SQSTM1: variants seen among roughly 807,000 people sequenced by gnomAD.
SQSTM1 encodes sequestosome-1.
In SQSTM1, 36 loss-of-function variants were observed where a neutral mutation model predicts 45.1. The ratio of observed to expected loss-of-function variants is 0.80; its 90% confidence interval spans 0.61 to 1.05. The LOEUF (loss-of-function observed/expected upper bound fraction) is 1.05, where lower values mean the gene tolerates loss of function less well. SQSTM1 is among the 50% of genes least tolerant of loss of function. The pLI, the probability that SQSTM1 is intolerant of heterozygous loss-of-function variation, is 0.00. For missense variants in SQSTM1, 617 were observed against 607.1 expected (o/e 1.02, Z -0.17); for synonymous variants, 290 against 244.3 (o/e 1.19, Z -1.74).
At chr5:179,811,088 C>T (rs986084027) in intron 1 of SQSTM1, among the ~76,000 whole-genome samples, 2 of 151,974 alleles carry the variant, frequency 1.3e-5, no homozygotes, top group Non-Finnish European at 2.9e-5. Flanking sequence ...TAAAAATTAG[C>T]CGGGAGTGGT....
chr5:179,815,416 C>CGA (rs1554161580), upstream of SQSTM1, among the ~76,000 whole-genome samples: 2 of 149,130 alleles, frequency 1.3e-5, no homozygotes, highest in Non-Finnish European at 3.0e-5. Flanking sequence ...GACTCTGTCT[C>CGA]GAAAAAAAAA....
upstream of SQSTM1, among the ~76,000 whole-genome samples, chr5:179,819,535 A>C (rs1449325476): frequency 1.3e-5 from 2 of 152,218 alleles, no homozygotes; most frequent in Non-Finnish European, 2.9e-5. Flanking sequence ...GGGCTGGGGC[A>C]GGAAAGCCGG....
chr5:179,806,440 C>G lies in SQSTM1; in HGVS notation c.-308C>G. On this transcript the variant is annotated 5_prime_UTR_variant, in exon 1 of 6. Transcript: ENST00000514093. The surrounding 1 kb of genome is among the most constrained non-coding windows in gnomAD (Gnocchi z 4.6). ...CCACCGCCGGGCCCGCTCCCGCCGC[C>G]GACGCCCAGGTGCGCCAGGTGCGGG... 1 of 1,145,448 alleles carries G rather than the reference C, an allele frequency of 8.7e-7. No homozygotes were observed. Among genetic ancestry groups the G allele is most frequent in the Non-Finnish European group, 1.1e-6 (1 of 913,178 alleles). The allele number at this position is 1,145,448 out of a possible 1,614,324, so 71.0% of individuals were successfully genotyped here. A position where few individuals can be genotyped will look rare whatever the true frequency, so the allele number is the denominator to read the frequency against.
At chr5:179,813,013 G>GAA (rs1244662065) in intron 2 of SQSTM1, 18 of 125,830 alleles carry the variant, frequency 1.4e-4, no homozygotes, top group African/African-American at 5.4e-4. Flanking sequence ...AAAAAGAAAA[G>GAA]AAAAAGAAAA....
chr5:179,818,656 G>A (rs1185582653), upstream of SQSTM1, among the ~76,000 whole-genome samples: 2 of 152,150 alleles, frequency 1.3e-5, no homozygotes, highest in East Asian at 3.9e-4. Flanking sequence ...CAGCCCCCCT[G>A]CAGTCTCTGT....
intron 5 of SQSTM1, among the ~76,000 whole-genome samples, chr5:179,825,833 G>T (rs933615178): frequency 2.6e-5 from 4 of 152,044 alleles, no homozygotes; most frequent in African/African-American, 9.7e-5. Flanking sequence ...TCCCTGCTGG[G>T]CTTTAGAAAG....
At chr5:179,821,583 G>GGGCGAGCGCC (rs1554162414) in intron 1 of SQSTM1, 1 of 454,034 alleles carries the variant, frequency 2.2e-6, no homozygotes, top group Non-Finnish European at 4.4e-6. Flanking sequence ...TGGAGGAGCC[G>GGGCGAGCGCC]GGCGAGCGCC....
rs759688377 is a variant in SQSTM1 at position 179,837,927 on chromosome 5, T to C, written c.*1334T>C. 1 of 1,573,736 alleles carries C rather than the reference T, an allele frequency of 6.4e-7. No homozygotes were observed. The highest frequency in any genetic ancestry group is 8.6e-7 in the Non-Finnish European group (1 of 1,163,400). The stretch of plus-strand genomic sequence containing the variant: ...CCATGCCCTCCATGTGTAAGAACAA[T>C]GCCAGGGCCCAGGAGGACCGCCTGC... On this transcript the variant is annotated 3_prime_UTR_variant, in exon 8 of 8. Transcript: ENST00000389805.
intron 6 of SQSTM1, 48 bp from the exon 7 acceptor site, chr5:179,833,539 G>A (rs1387113159): frequency 1.9e-6 from 3 of 1,600,998 alleles, no homozygotes; most frequent in African/African-American, 1.3e-5. Flanking sequence ...GGTCAGGCTT[G>A]GCCTGTTGCG....
chr5:179,809,171 T>C (rs1284216261), intron 1 of SQSTM1, among the ~76,000 whole-genome samples: 37 of 145,346 alleles, frequency 2.5e-4, no homozygotes, highest in African/African-American at 9.2e-4. Flanking sequence ...TTTTTTTTTT[T>C]TTTTTAAGAC....
chr5:179,819,634 G>C (rs944428147), upstream of SQSTM1, among the ~76,000 whole-genome samples: 1 of 152,240 alleles, frequency 6.6e-6, no homozygotes, highest in African/African-American at 2.4e-5. Flanking sequence ...GCCTCTGCCA[G>C]CACGCCCCTC....
chr5:179,837,150 T>A lies in SQSTM1; in HGVS notation c.*557T>A. On this transcript the variant is annotated 3_prime_UTR_variant, in exon 8 of 8. Coordinates refer to ENST00000389805, the MANE Select transcript of SQSTM1 (RefSeq NM_003900.5). ...CTCCTGGTCTCTTCACCACTGTAGT[T>A]CTCTCATTTCCAAACCATCAGCTGC... is the stretch of plus-strand genomic sequence containing the variant. 7.2e-7 allele frequency: 1 copy of A among 1,382,668 alleles called. No homozygotes were observed. Among genetic ancestry groups the A allele is most frequent in the Non-Finnish European group, 9.9e-7 (1 of 1,006,306 alleles). 85.6% of individuals were successfully genotyped at this position (1,382,668 alleles called of 1,614,324 possible).
At chr5:179,832,897 T>C in intron 5 of SQSTM1, 135 bp from the exon 6 acceptor site, 2 of 895,230 alleles carry the variant, frequency 2.2e-6, no homozygotes, top group Admixed American at 3.9e-5. Flanking sequence ...AGTGCCACCA[T>C]CCAGACACTT....
chr5:179,825,439 C>G (rs116597749), intron 5 of SQSTM1, among the ~76,000 whole-genome samples: 3 of 152,144 alleles, frequency 2.0e-5, no homozygotes, highest in African/African-American at 7.2e-5. Context: ...GGAGTGAAGT[C>G]GAATCAGCTG....
At chr5:179,821,220 T>C in intron 1 of SQSTM1, 79 bp downstream of exon 1, 1 of 1,267,714 alleles carries the variant, frequency 7.9e-7, no homozygotes, top group African/African-American at 1.6e-5. Context: ...GCCCCCTCCC[T>C]TCTCGGCGAC....
In SQSTM1 at chr5:179,835,375, C is replaced by T. The variant is rs74179980; in HGVS notation, c.1166-1061C>T. On this transcript the variant is annotated intron_variant, in intron 7 of 7. Transcript: ENST00000389805. ...GTTGTAGCGAGCCGAGATCACGCCA[C>T]TGCACTCCAGCCTGGGCACCATTGA... The T allele has an allele frequency of 3.5e-5, 6 of 170,320 alleles. 1 individual carries two copies. Among genetic ancestry groups the T allele is most frequent in the South Asian group, 2.2e-4 (2 of 9,298 alleles). The allele number at this position is 170,320 out of a possible 1,614,324, so 10.6% of individuals were successfully genotyped here. A position where few individuals can be genotyped will look rare whatever the true frequency, so the allele number is the denominator to read the frequency against.
At chr5:179,827,604 A>G (rs7715234) in intron 5 of SQSTM1, among the ~76,000 whole-genome samples, 9,695 of 152,288 alleles carry the variant, frequency 0.064, 670 homozygotes, top group African/African-American at 0.17. Flanking sequence ...TTTGAGCACT[A>G]AAAGCTAAAG....
intron 2 of SQSTM1, 154 bp from the exon 3 acceptor site, chr5:179,823,704 C>T: frequency 3.9e-6 from 3 of 772,604 alleles, no homozygotes; most frequent in Non-Finnish European, 6.3e-6. Flanking sequence ...CTTGGTGGCT[C>T]TGCTGCCCTC....
In SQSTM1 at chr5:179,836,728, AT is replaced by A; in HGVS notation, c.*138del. 1 of 1,361,006 alleles carries A rather than the reference AT, an allele frequency of 7.3e-7. No homozygotes were observed. The highest frequency in any genetic ancestry group is 1.0e-6 in the Non-Finnish European group (1 of 957,456). The allele number at this position is 1,361,006 out of a possible 1,614,324, so 84.3% of individuals were successfully genotyped here. ...ATCAGGGGTTAGGGTGCAAGAAGCC[AT>A]TTAGGGCAGCAAAACAAGTGACATG... On this transcript the variant is annotated 3_prime_UTR_variant, in exon 8 of 8. Coordinates refer to ENST00000389805, the MANE Select transcript of SQSTM1 (RefSeq NM_003900.5).
Sources: gnomAD v4.1 joint callset for allele counts (sites outside exome capture counted in the v4.1 genomes callset) on GRCh38, gnomAD v4.1.1 for gene constraint, Gnocchi (gnomAD v3.1) non-coding constraint, MANE v1.5 for transcripts, NCBI Gene and HGNC (gene_info 2026-07-23, HGNC 2026-07-21) for gene names.